Variants in SLC44A5 observed in about 807,000 individuals in gnomAD.
The protein encoded by SLC44A5 is choline transporter-like protein 5.
A neutral mutation model predicts 101.8 loss-of-function variants in SLC44A5; 57 were observed. The observed-to-expected ratio is 0.56, with a 90% CI of 0.45 to 0.70. The LOEUF is 0.70. Among genes scored for constraint, SLC44A5 ranks in the 30% least tolerant of loss-of-function variants. The pLI is 0.00. For missense variants in SLC44A5, 737 were observed against 853.1 expected (o/e 0.86, Z 1.70); for synonymous variants, 281 against 290.9 (o/e 0.97, Z 0.35).
chr1:75,394,357 T>G (rs1289598580), intron 3 of SLC44A5, among the ~76,000 whole-genome samples: 3 of 152,114 alleles, frequency 2.0e-5, no homozygotes, highest in South Asian at 2.1e-4. Context: ...AATGAGAGAA[T>G]AGGAGAAAAG....
chr1:75,678,725 G>A, the SLC44A5 span, among the ~76,000 whole-genome samples: 2 of 151,922 alleles, frequency 1.3e-5, no homozygotes, highest in South Asian at 2.1e-4. Flanking sequence ...CCAAAGGAAC[G>A]CAGCTCCTCA....
chr1:75,328,773 G>T (rs1232780023), intron 4 of SLC44A5, among the ~76,000 whole-genome samples: 1 of 152,188 alleles, frequency 6.6e-6, no homozygotes, highest in Non-Finnish European at 1.5e-5. Flanking sequence ...CAGCTTCGTT[G>T]CCAAAGTGTC....
chr1:75,412,560 G>A lies in SLC44A5; in HGVS notation c.14-15939C>T, dbSNP rs141319850. On this transcript the variant is annotated intron_variant, in intron 2 of 23. Coordinates refer to ENST00000370859, the MANE Select transcript of SLC44A5 (RefSeq NM_001130058.2). The stretch of plus-strand genomic sequence containing the variant: ...TCTCCATCAGGCAGACCACGAACAG[G>A]AGGTGTATTTCCAAAATTTCTTCTC... 1.1e-3 allele frequency among the ~76,000 whole-genome samples: 162 copies of A among 152,192 alleles called. 1 individual carries two copies. Among genetic ancestry groups the A allele is most frequent in the African/African-American group, 3.6e-3 (148 of 41,530 alleles).
chr1:75,542,653 AT>A (rs1447094504), intron 1 of SLC44A5, among the ~76,000 whole-genome samples: 1 of 152,058 alleles, frequency 6.6e-6, no homozygotes, highest in East Asian at 1.9e-4. Context: ...TAAACTGTTT[AT>A]TCAGGCCCTT....
At chr1:75,688,268 C>G in the SLC44A5 span, among the ~76,000 whole-genome samples, 1 of 152,182 alleles carries the variant, frequency 6.6e-6, no homozygotes, top group Non-Finnish European at 1.5e-5. Context: ...CTCAAGGAAC[C>G]AGTTGTGGCA....
chr1:75,646,732 G>A, the SLC44A5 span, among the ~76,000 whole-genome samples: 2 of 152,032 alleles, frequency 1.3e-5, no homozygotes, highest in South Asian at 4.1e-4. Flanking sequence ...ACCATGTGAA[G>A]AAGAAGTAAA....
Position 75,343,869 on chromosome 1 carries a change from A to T in SLC44A5, c.53-4239T>A, listed in dbSNP as rs145916721. 5.8e-3 allele frequency among the ~76,000 whole-genome samples: 883 copies of T among 152,270 alleles called. 16 individuals are homozygous for T. The highest frequency in any genetic ancestry group is 0.02 in the African/African-American group (852 of 41,566). On this transcript the variant is annotated intron_variant, in intron 3 of 23. Coordinates refer to ENST00000370859, the MANE Select transcript of SLC44A5 (RefSeq NM_001130058.2). ...CAAAGAAAGGGTTCTGTTTTCCTCT[A>T]AGTCCCACCAAATAATAAGGAATCA...
chr1:75,210,269 C>T (rs919146206), intron 23 of SLC44A5, among the ~76,000 whole-genome samples: 1 of 151,820 alleles, frequency 6.6e-6, no homozygotes, highest in Non-Finnish European at 1.5e-5. Flanking sequence ...CTATGTTGCC[C>T]AGGCTGGTCT....
At chr1:75,721,870 T>C in the SLC44A5 span, among the ~76,000 whole-genome samples, 10 of 152,306 alleles carry the variant, frequency 6.6e-5, no homozygotes, top group African/African-American at 1.9e-4. Flanking sequence ...CAATCATTCA[T>C]AGGATCCTGG....
At position 75,238,605 on chromosome 1, in the gene SLC44A5, G is replaced by A; in HGVS notation, c.564C>T (p.Thr188=). ...TTCCTATTGTTAAAGTGCCATTTTT[G>A]GTAGAGAAGTCAGGGAAACATCTCT... ...FLQRCFPDFS[T]KNGTLTIGSK... is the part of the protein sequence containing the mutation. The change falls in exon 10 of 24, where the codon ACC becomes ACT. Residue 188 remains threonine (T), a synonymous_variant. Transcript: ENST00000370859. The A allele has an allele frequency of 6.3e-7, 1 of 1,579,512 alleles. No homozygotes were observed. The highest frequency in any genetic ancestry group is 1.8e-5 in the Admixed American group (1 of 56,236).
chr1:75,362,336 C>T (rs1257980476), intron 3 of SLC44A5, among the ~76,000 whole-genome samples: 1 of 151,504 alleles, frequency 6.6e-6, no homozygotes, highest in Non-Finnish European at 1.5e-5. Context: ...TAACTTGAGG[C>T]TTATTTTGTT....
In SLC44A5 at chr1:75,237,297, C is replaced by T. The variant is rs147107723; in HGVS notation, c.657-227G>A. Reference sequence around the variant, plus strand: ...GCAGAGAGAACATGGTTTTCAAGAACGGTGAACAAATCCTTTTCCACTGTA... The same window carrying T: ...GCAGAGAGAACATGGTTTTCAAGAATGGTGAACAAATCCTTTTCCACTGTA... On this transcript the variant is annotated intron_variant, in intron 10 of 23. Coordinates refer to ENST00000370859, the MANE Select transcript of SLC44A5 (RefSeq NM_001130058.2). Among the ~76,000 whole-genome samples, 653 of 152,154 alleles carry T rather than the reference C, an allele frequency of 4.3e-3. 13 individuals carry two copies. Among genetic ancestry groups the T allele is most frequent in the Admixed American group, 0.037 (559 of 15,238 alleles).
chr1:75,293,370 A>G (rs1653716469), intron 5 of SLC44A5, among the ~76,000 whole-genome samples: 1 of 152,180 alleles, frequency 6.6e-6, no homozygotes, highest in African/African-American at 2.4e-5. Context: ...GATTAGACCA[A>G]CTGCTTGCAC....
intron 2 of SLC44A5, among the ~76,000 whole-genome samples, chr1:75,452,605 C>G (rs1258693738): frequency 6.6e-6 from 1 of 152,082 alleles, no homozygotes; most frequent in Non-Finnish European, 1.5e-5. Context: ...CAAAGAGTGG[C>G]AAGTTGAATA....
At chr1:75,349,448 A>T (rs140401787) in intron 3 of SLC44A5, among the ~76,000 whole-genome samples, 1 of 152,356 alleles carries the variant, frequency 6.6e-6, no homozygotes, top group South Asian at 2.1e-4. Flanking sequence ...GAATAGAGAT[A>T]TAGAGATGAT....
At chr1:75,307,462 G>T (rs1020020931) in intron 4 of SLC44A5, among the ~76,000 whole-genome samples, 10 of 152,150 alleles carry the variant, frequency 6.6e-5, no homozygotes, top group Non-Finnish European at 1.3e-4. Context: ...CATCTTTCAA[G>T]CTTCACTGAG....
At chr1:75,305,665 C>G (rs1261991085) in intron 4 of SLC44A5, among the ~76,000 whole-genome samples, 1 of 152,228 alleles carries the variant, frequency 6.6e-6, no homozygotes, top group Non-Finnish European at 1.5e-5. Flanking sequence ...TCTAGACTCC[C>G]CCTCCTGGGA....
chr1:75,632,819 T>C, the SLC44A5 span, among the ~76,000 whole-genome samples: 34 of 152,300 alleles, frequency 2.2e-4, no homozygotes, highest in East Asian at 4.4e-3. Context: ...GATCAGTTTC[T>C]GATCTAAAAA....
intron 3 of SLC44A5, among the ~76,000 whole-genome samples, chr1:75,343,227 G>A (rs760895450): frequency 2.6e-5 from 4 of 152,082 alleles, no homozygotes; most frequent in African/African-American, 9.7e-5. Flanking sequence ...CAAGTTTATT[G>A]TCTTGCAACA....
Sources: allele counts gnomAD v4.1 joint callset (sites outside exome capture counted in the v4.1 genomes callset), GRCh38; gene constraint gnomAD v4.1.1; transcripts MANE v1.5; gene names NCBI Gene and HGNC (gene_info 2026-07-23, HGNC 2026-07-21).